The following NF1 variants were observed in gnomAD, a reference collection of about 807,000 sequenced individuals.
The protein encoded by NF1 is neurofibromin 1.
A neutral mutation model predicts 325.7 loss-of-function variants in NF1; 122 were observed. The observed-to-expected ratio is 0.37, with a 90% CI of 0.32 to 0.44. The LOEUF is 0.44. Among genes scored for constraint, NF1 ranks in the 20% least tolerant of loss-of-function variants. The probability of loss-of-function intolerance (pLI) is 1.00; values close to 1 mark genes in which losing one functional copy is unlikely to be tolerated. For missense variants in NF1, 2,140 were observed against 3,415.4 expected (o/e 0.63, Z 9.31); for synonymous variants, 1,091 against 1,186.0 (o/e 0.92, Z 1.65).
chr17:31,270,210 G>A (rs1001837835), intron 36 of NF1, among the ~76,000 whole-genome samples: 9 of 152,220 alleles, frequency 5.9e-5, no homozygotes, highest in Admixed American at 5.9e-4. Flanking sequence ...TCAGAAGTGT[G>A]ATTGGAGGAG....
At chr17:31,243,184 C>CTGTCTGTGTGTGTGTGTGTGTGTG (rs1555616441) in intron 29 of NF1, among the ~76,000 whole-genome samples, 9 of 137,476 alleles carry the variant, frequency 6.5e-5, no homozygotes, top group Non-Finnish European at 1.2e-4. Flanking sequence ...CTCTCTCTGT[C>CTGTCTGTGTGTGTGTGTGTGTGTG]TGTGTGTGTG....
intron 1 of NF1, among the ~76,000 whole-genome samples, chr17:31,114,779 G>A (rs1463741939): frequency 4.0e-5 from 6 of 150,038 alleles, no homozygotes; most frequent in Non-Finnish European, 7.4e-5. Context: ...ACTTGAACCC[G>A]GGAGGTGGAA....
At chr17:31,275,504 C>T (rs1005177535) in intron 36 of NF1, among the ~76,000 whole-genome samples, 1 of 152,108 alleles carries the variant, frequency 6.6e-6, no homozygotes, top group African/African-American at 2.4e-5. Context: ...TGTTTTTAAT[C>T]TCTTACTGTG....
intron 36 of NF1, among the ~76,000 whole-genome samples, chr17:31,285,277 T>TACA (rs1555622017): frequency 8.3e-6 from 1 of 120,896 alleles, no homozygotes; most frequent in Non-Finnish European, 1.7e-5. Flanking sequence ...AGATTCTGTT[T>TACA]AAAAAAAAAA....
At chr17:31,371,951 G>A (rs2070649665) in intron 57 of NF1, among the ~76,000 whole-genome samples, 1 of 152,206 alleles carries the variant, frequency 6.6e-6, no homozygotes, top group Admixed American at 6.5e-5. Flanking sequence ...GAATCCAAAT[G>A]AAAGATGAGT....
intron 12 of NF1, among the ~76,000 whole-genome samples, chr17:31,207,509 G>A (rs998738985): frequency 2.0e-5 from 3 of 152,046 alleles, no homozygotes; most frequent in African/African-American, 4.8e-5. Context: ...TTCAAATAGA[G>A]AAGTTTTTTA....
At chr17:31,208,884 T>G (rs2066671618) in intron 12 of NF1, among the ~76,000 whole-genome samples, 1 of 151,678 alleles carries the variant, frequency 6.6e-6, no homozygotes. Flanking sequence ...AGAGCGAGAA[T>G]CGGTCTCAAA....
chr17:31,295,524 G>A lies in NF1; in HGVS notation c.4835+30185G>A, dbSNP rs145834868. ...AATAAGCTTGAGGTAAATCCAGAAG[G>A]TGTGGGATACATGTTATGTTCCTTT... On this transcript the variant is annotated intron_variant, in intron 36 of 57. Transcript: ENST00000358273. 4.3e-6 allele frequency: 7 copies of A among 1,614,154 alleles called. No homozygotes were observed. In the Admixed American group the frequency reaches 6.7e-5, roughly 15 times the overall value.
intron 1 of NF1, among the ~76,000 whole-genome samples, chr17:31,123,063 T>A (rs901838287): frequency 2.0e-5 from 3 of 152,242 alleles, no homozygotes; most frequent in African/African-American, 7.2e-5. Context: ...TGAACTGCCA[T>A]GTTAAAACTA....
At chr17:31,251,548 T>C (rs2067493753) in intron 30 of NF1, 1 of 195,340 alleles carries the variant, frequency 5.1e-6, no homozygotes, top group African/African-American at 2.3e-5. Context: ...AGGATAAAGA[T>C]AAAATGATTC....
In NF1 at chr17:31,374,544, T is replaced by C. The variant is rs2070704930; in HGVS notation, c.*389T>C. ...CTCTGCCTTCTGTGGTTTTCCCTTC[T>C]TCATCCTACAGAGTAAAGTGTTAGT... On this transcript the variant is annotated 3_prime_UTR_variant, in exon 58 of 58. Coordinates refer to ENST00000358273, the MANE Select transcript of NF1 (RefSeq NM_001042492.3). 1 of 395,288 alleles carries C rather than the reference T, an allele frequency of 2.5e-6. No individual in the cohort carries two copies. The highest frequency in any genetic ancestry group is 2.0e-5 in the African/African-American group (1 of 49,806). 24.5% of individuals were successfully genotyped at this position (395,288 alleles called of 1,614,324 possible). A position where few individuals can be genotyped will look rare whatever the true frequency, so the allele number is the denominator to read the frequency against.
chr17:31,210,516 C>T (rs1330762023), intron 12 of NF1, among the ~76,000 whole-genome samples: 3 of 152,040 alleles, frequency 2.0e-5, no homozygotes, highest in Non-Finnish European at 2.9e-5. Flanking sequence ...ACCCGGGAGG[C>T]GGAGGTTGCA....
At chr17:31,243,045 T>G (rs1476666517) in intron 29 of NF1, among the ~76,000 whole-genome samples, 1 of 152,212 alleles carries the variant, frequency 6.6e-6, no homozygotes, top group African/African-American at 2.4e-5. Context: ...GCTGTGGCTC[T>G]TGTACACTCA....
chr17:31,097,521 G>T (rs550023612), intron 1 of NF1, among the ~76,000 whole-genome samples: 2 of 149,252 alleles, frequency 1.3e-5, no homozygotes, highest in East Asian at 3.9e-4. Flanking sequence ...AAGCAAGAAA[G>T]TGTTTCTCCT....
chr17:31,227,654 T>C, intron 20 of NF1, 48 bp downstream of exon 20: 1 of 1,464,538 alleles, frequency 6.8e-7, no homozygotes, highest in South Asian at 1.1e-5. Flanking sequence ...CTGCTAAATA[T>C]ATGTACTTCA....
rs75182112 is a variant in NF1, at chr17:31,236,352, T to C, written c.3974+331T>C. ...TGCAGTCACTTGCATGCATACTCTT[T>C]TTCTAACTCACTTCTTCTATGATGA... On this transcript the variant is annotated intron_variant, in intron 29 of 57. Coordinates refer to ENST00000358273, the MANE Select transcript of NF1 (RefSeq NM_001042492.3). Among the ~76,000 whole-genome samples, 1,440 of 152,278 alleles carry C rather than the reference T, an allele frequency of 9.5e-3. 24 individuals carry two copies. Among genetic ancestry groups the C allele is most frequent in the African/African-American group, 0.033 (1,353 of 41,540 alleles).
rs151003817 is a variant in NF1, at chr17:31,106,056, A to C, written c.60+10687A>C. Among the ~76,000 whole-genome samples the C allele has an allele frequency of 7.4e-4, 112 of 152,292 alleles. 1 individual carries two copies. Among genetic ancestry groups the C allele is most frequent in the African/African-American group, 2.6e-3 (108 of 41,580 alleles). ...CAAGTGGTGACACTTTTCTGTTGAC[A>C]CGGTTTCTCTTGGGTAGTTCTCATA... On this transcript the variant is annotated intron_variant, in intron 1 of 57. Transcript: ENST00000358273.
In NF1 at chr17:31,283,156, G is replaced by A. The variant is rs532662133; in HGVS notation, c.4835+17817G>A. On this transcript the variant is annotated intron_variant, in intron 36 of 57. Coordinates refer to ENST00000358273, the MANE Select transcript of NF1 (RefSeq NM_001042492.3). ...ACTAAGTCCGGACGCAGTGGATCAC[G>A]CCTGTAATCCCAGCACTTTGGGAGG... Among the ~76,000 whole-genome samples the A allele has an allele frequency of 5.3e-5, 8 of 152,226 alleles. No individual in the cohort carries two copies. The South Asian group carries it at 1.2e-3, about 24-fold the overall frequency.
At chr17:31,318,521 A>G (rs1597819225) in intron 36 of NF1, 1 of 1,614,090 alleles carries the variant, frequency 6.2e-7, no homozygotes, top group Non-Finnish European at 8.5e-7. Context: ...CGTCTGAGAG[A>G]AGAGACTTTG....
Sources: allele counts gnomAD v4.1 joint callset (sites outside exome capture counted in the v4.1 genomes callset), GRCh38; gene constraint gnomAD v4.1.1; transcripts MANE v1.5; gene names NCBI Gene and HGNC (gene_info 2026-07-23, HGNC 2026-07-21).